Variants in ZNF469 observed in about 807,000 individuals in gnomAD.
The protein encoded by ZNF469 is zinc finger protein 469.
ZNF469 carries 1 observed loss-of-function variant against 1.0 expected under a neutral mutation model. The ratio of observed to expected loss-of-function variants is 1.00; its 90% CI spans 0.35 to 4.73. The LOEUF (loss-of-function observed/expected upper bound fraction) is 4.73. Ranked by LOEUF, ZNF469 falls within the 30% of genes most tolerant of loss-of-function variation. The pLI, the probability that ZNF469 is intolerant of heterozygous loss-of-function variation, is 0.16. For synonymous variants in ZNF469, 2,703 were observed against 2,363.4 expected, an observed-to-expected ratio of 1.14 and a Z score of -4.17; for missense variants, 6,100 against 5,356.3, an observed-to-expected ratio of 1.14 and a Z score of -4.33.
chr16:88,152,802 C>T, the ZNF469 span, among the ~76,000 whole-genome samples: 2 of 152,150 alleles, frequency 1.3e-5, no homozygotes, highest in African/African-American at 4.8e-5. This position sits in a 1 kb window ranked among gnomAD's most constrained non-coding sequence, Gnocchi z 4.2. Context: ...GAGGCCGCAG[C>T]CAGGGTGATT....
chr16:88,288,073 G>T, the ZNF469 span, among the ~76,000 whole-genome samples: 3 of 151,962 alleles, frequency 2.0e-5, no homozygotes. Flanking sequence ...TCTTTGTGGA[G>T]AAACCTTTTT....
chr16:88,387,118 C>A (rs888234074), intron 1 of ZNF469, among the ~76,000 whole-genome samples: 3 of 152,208 alleles, frequency 2.0e-5, no homozygotes, highest in Admixed American at 2.0e-4. Context: ...CAGGGGAGCG[C>A]CTTGTGCTAG....
At chr16:88,297,092 C>T in the ZNF469 span, among the ~76,000 whole-genome samples, 1 of 152,276 alleles carries the variant, frequency 6.6e-6, no homozygotes, top group Admixed American at 6.5e-5. Flanking sequence ...CAGCCAGCGG[C>T]AGGCACCAAA....
the ZNF469 span, among the ~76,000 whole-genome samples, chr16:88,205,747 G>A: frequency 3.9e-5 from 6 of 152,320 alleles, no homozygotes; most frequent in Non-Finnish European, 8.8e-5. The surrounding 1 kb of genome is among the most constrained non-coding windows in gnomAD (Gnocchi z 4.2). Flanking sequence ...CATTTCAGAC[G>A]TTTTCTATGG....
chr16:88,190,769 TGACCTTTTGCAGTC>T, the ZNF469 span, among the ~76,000 whole-genome samples: 6 of 152,380 alleles, frequency 3.9e-5, no homozygotes, highest in East Asian at 1.9e-4. Flanking sequence ...GGGAGTGCTG[TGACCTTTTGCAGTC>T]TTACTTTCCC....
chr16:88,436,255 G>C lies in ZNF469; in HGVS notation c.8785G>C (p.Glu2929Gln), dbSNP rs578166707. 2 of 1,549,730 alleles carry C rather than the reference G, an allele frequency of 1.3e-6. No homozygotes were observed. Among genetic ancestry groups the C allele is most frequent in the African/African-American group, 1.4e-5 (1 of 73,046 alleles). ...CTGCCATGAGGACCCGTGGGAGGAC[G>C]AGGATCCCGCAGGTCTGCCCGAGTC... Reference protein sequence around the residue: ...CLCHEDPWEDEDPAGLPESFL... With the variant: ...CLCHEDPWEDQDPAGLPESFL... The change falls in exon 3 of 3, where the codon GAG (glutamate) becomes CAG (glutamine). Residue 2929 changes from glutamate (E) to glutamine (Q), a missense_variant. Glu to Gln is a conservative substitution (Grantham distance 29). Transcript: ENST00000565624.
intron 1 of ZNF469, among the ~76,000 whole-genome samples, chr16:88,406,618 GA>G (rs1905035500): frequency 6.6e-6 from 1 of 152,210 alleles, no homozygotes; most frequent in Admixed American, 6.5e-5. Flanking sequence ...AGGGAGAGGA[GA>G]GGGGCAGCTG....
At chr16:88,301,483 G>A in the ZNF469 span, among the ~76,000 whole-genome samples, 2 of 152,186 alleles carry the variant, frequency 1.3e-5, no homozygotes, top group African/African-American at 2.4e-5. Context: ...TGATTATTTG[G>A]AAGAGAACCC....
At chr16:88,296,662 TCA>T in the ZNF469 span, among the ~76,000 whole-genome samples, 2 of 151,048 alleles carry the variant, frequency 1.3e-5, no homozygotes, top group East Asian at 2.0e-4. Flanking sequence ...ACAGACATGC[TCA>T]CACACTCATG....
At chr16:88,335,884 C>A in the ZNF469 span, among the ~76,000 whole-genome samples, 1 of 151,864 alleles carries the variant, frequency 6.6e-6, no homozygotes, top group African/African-American at 2.4e-5. Flanking sequence ...ACACATTCAT[C>A]CTTCACGTGA....
chr16:88,191,189 C>T, the ZNF469 span, among the ~76,000 whole-genome samples: 2 of 151,686 alleles, frequency 1.3e-5, no homozygotes. Flanking sequence ...ATTTTGTTCC[C>T]AGGAGTCTCA....
the ZNF469 span, among the ~76,000 whole-genome samples, chr16:88,121,744 G>A: frequency 4.6e-5 from 7 of 152,200 alleles, no homozygotes; most frequent in Non-Finnish European, 7.3e-5. Flanking sequence ...GTTGCAGGCC[G>A]CACTGCAGAG....
At chr16:88,298,296 A>G in the ZNF469 span, among the ~76,000 whole-genome samples, 1 of 152,132 alleles carries the variant, frequency 6.6e-6, no homozygotes, top group South Asian at 2.1e-4. Flanking sequence ...GACCAAGAAC[A>G]TGCCTCGAGC....
the ZNF469 span, among the ~76,000 whole-genome samples, chr16:88,229,685 C>T: frequency 1.3e-5 from 2 of 149,790 alleles, no homozygotes; most frequent in Admixed American, 6.6e-5. Context: ...GTGCTGATGC[C>T]ATACGTGTGG....
the ZNF469 span, among the ~76,000 whole-genome samples, chr16:88,362,024 G>A: frequency 6.6e-6 from 1 of 152,208 alleles, no homozygotes; most frequent in Non-Finnish European, 1.5e-5. Context: ...ATTGACTGCT[G>A]TTGCAGTCCC....
the ZNF469 span, among the ~76,000 whole-genome samples, chr16:88,167,117 A>G: frequency 7.5e-6 from 1 of 133,836 alleles, no homozygotes; most frequent in African/African-American, 2.9e-5. Context: ...GCTGGAGTGC[A>G]GTGGTGTGAT....
the ZNF469 span, among the ~76,000 whole-genome samples, chr16:88,360,771 C>T: frequency 1.3e-5 from 2 of 151,192 alleles, no homozygotes. Flanking sequence ...ACAGCATGCT[C>T]CCTCAAAGGC....
the ZNF469 span, among the ~76,000 whole-genome samples, chr16:88,300,067 C>A: frequency 6.6e-6 from 1 of 152,194 alleles, no homozygotes; most frequent in Non-Finnish European, 1.5e-5. Flanking sequence ...GGGAGAAGGG[C>A]CCTGCTCGGC....
the ZNF469 span, among the ~76,000 whole-genome samples, chr16:88,231,443 C>T: frequency 3.9e-5 from 6 of 152,196 alleles, no homozygotes; most frequent in Non-Finnish European, 7.3e-5. This position sits in a 1 kb window ranked among gnomAD's most constrained non-coding sequence, Gnocchi z 4.5. Context: ...CACGGGGCTG[C>T]GACGAGATGA....
Sources: gnomAD v4.1 joint callset for allele counts (sites outside exome capture counted in the v4.1 genomes callset) on GRCh38, gnomAD v4.1.1 for gene constraint, Gnocchi (gnomAD v3.1) non-coding constraint, MANE v1.5 for transcripts, NCBI Gene and HGNC (gene_info 2026-07-23, HGNC 2026-07-21) for gene names.